The following CAST variants were observed in gnomAD, a reference collection of about 807,000 sequenced individuals.
CAST encodes MIR583 host.
In CAST, 76 loss-of-function variants were observed where a neutral mutation model predicts 119.6. That is an observed-to-expected ratio of 0.64 (90% CI 0.53 to 0.77). The LOEUF is 0.77. Among genes scored for constraint, CAST ranks in the 30% least tolerant of loss-of-function variants. The pLI is 0.00. For synonymous variants in CAST, 319 were observed against 331.6 expected, an observed-to-expected ratio of 0.96 and a Z score of 0.41; for missense variants, 953 against 946.5, an observed-to-expected ratio of 1.01 and a Z score of -0.09.
chr5:96,761,002 A>T (rs1414286068), intron 24 of CAST: 1 of 152,144 alleles, frequency 6.6e-6, no homozygotes, highest in Non-Finnish European at 1.5e-5. Context: ...TAAGTGGAAA[A>T]TACAATAATG....
chr5:96,308,313 A>G, the CAST span, among the ~76,000 whole-genome samples: 2 of 151,692 alleles, frequency 1.3e-5, no homozygotes, highest in African/African-American at 4.8e-5. Context: ...CAGGTCATTT[A>G]TGTTCTTCTC....
the CAST span, among the ~76,000 whole-genome samples, chr5:96,056,451 G>A: frequency 2.0e-5 from 3 of 152,216 alleles, no homozygotes; most frequent in South Asian, 2.1e-4. Context: ...CCAGATGCAC[G>A]AACTGGCTCC....
intron 1 of CAST, among the ~76,000 whole-genome samples, chr5:96,593,324 G>A (rs967736222): frequency 6.6e-6 from 1 of 152,138 alleles, no homozygotes; most frequent in Non-Finnish European, 1.5e-5. Context: ...ATCTTGTGAC[G>A]TGTTCTCTAA....
chr5:96,306,902 G>A, the CAST span, among the ~76,000 whole-genome samples: 1 of 152,138 alleles, frequency 6.6e-6, no homozygotes, highest in African/African-American at 2.4e-5. Context: ...AGTGCAATGT[G>A]GTGCTGAGAA....
the CAST span, among the ~76,000 whole-genome samples, chr5:96,498,177 T>A: frequency 6.6e-6 from 1 of 152,108 alleles, no homozygotes; most frequent in South Asian, 2.1e-4. Flanking sequence ...GTTGTAGATA[T>A]GCGGCATTAT....
At chr5:96,043,586 G>A in the CAST span, among the ~76,000 whole-genome samples, 2 of 152,220 alleles carry the variant, frequency 1.3e-5, no homozygotes, top group African/African-American at 4.8e-5. Context: ...CTGGTCACAA[G>A]TTGGCTGCAG....
the CAST span, among the ~76,000 whole-genome samples, chr5:96,127,673 T>A: frequency 3.5e-3 from 533 of 152,208 alleles, 2 homozygotes; most frequent in African/African-American, 4.6e-3. Context: ...CCTTTAAAAA[T>A]TTTTTTCCTA....
chr5:96,765,058 A>G (rs948809042), intron 25 of CAST, among the ~76,000 whole-genome samples, 163 bp from the exon 26 acceptor site: 4 of 151,854 alleles, frequency 2.6e-5, no homozygotes, highest in African/African-American at 7.3e-5. Flanking sequence ...TTCCATTCCT[A>G]GGCTTCTCTT....
chr5:96,769,913 T>A (rs1416403690), intron 29 of CAST: 1 of 150,864 alleles, frequency 6.6e-6, no homozygotes, highest in African/African-American at 2.4e-5. Context: ...ATATCGTTTT[T>A]TAAGGCTGAA....
intron 20 of CAST, among the ~76,000 whole-genome samples, chr5:96,752,751 T>C (rs925366313): frequency 6.6e-6 from 1 of 152,052 alleles, no homozygotes; most frequent in South Asian, 2.1e-4. Context: ...AATACAGTTT[T>C]ACTCTAAAAT....
the CAST span, among the ~76,000 whole-genome samples, chr5:96,432,593 G>C: frequency 6.6e-6 from 1 of 152,222 alleles, no homozygotes; most frequent in East Asian, 1.9e-4. Context: ...CGCGGGAACG[G>C]ATTTCAATTC....
intron 24 of CAST, chr5:96,761,958 A>G (rs1768113047): frequency 5.3e-6 from 1 of 187,932 alleles, no homozygotes; most frequent in Non-Finnish European, 1.1e-5. Flanking sequence ...AGCAATTTTA[A>G]AAGAGCTGAA....
chr5:96,247,147 C>T, the CAST span, among the ~76,000 whole-genome samples: 4 of 152,188 alleles, frequency 2.6e-5, no homozygotes, highest in Admixed American at 6.5e-5. Context: ...CCAGCTGTCC[C>T]GTAGCACTGT....
chr5:96,103,806 C>G, the CAST span, among the ~76,000 whole-genome samples: 4 of 151,592 alleles, frequency 2.6e-5, no homozygotes, highest in South Asian at 8.3e-4. Context: ...AACTAGTTTA[C>G]AGTCCCACCA....
At chr5:96,431,712 G>A in the CAST span, among the ~76,000 whole-genome samples, 1 of 152,132 alleles carries the variant, frequency 6.6e-6, no homozygotes, top group Admixed American at 6.5e-5. Flanking sequence ...AGCAAGAGCA[G>A]GCGAATTCCC....
chr5:96,135,011 A>G, the CAST span, among the ~76,000 whole-genome samples: 1 of 152,172 alleles, frequency 6.6e-6, no homozygotes, highest in Non-Finnish European at 1.5e-5. Context: ...AAATAGCGAG[A>G]ACACAAGTCC....
chr5:96,737,794 A>AAAGGTG (rs1412602026), intron 10 of CAST, 55 bp from the exon 11 acceptor site: 1 of 1,013,956 alleles, frequency 9.9e-7, no homozygotes, highest in East Asian at 2.5e-5. Flanking sequence ...TAGTTAAACT[A>AAAGGTG]AAGGTGAAAT....
Position 96,675,576 on chromosome 5 carries a change from C to T in CAST, c.113C>T (p.Pro38Leu), listed in dbSNP as rs1193724684. 1 of 1,613,340 alleles carries T rather than the reference C, an allele frequency of 6.2e-7. No homozygotes were observed. The highest frequency in any genetic ancestry group is 1.7e-5 in the Admixed American group (1 of 60,008). The change falls in exon 2 of 32, where the codon CCA becomes CTA. Residue 38 changes from proline (P) to leucine (L), a missense_variant. Coordinates refer to ENST00000675179, the MANE Select transcript of CAST (RefSeq NM_001750.7). ...SEKTSESPSK[P>L]GEKKGSDEKK... is the part of the protein sequence containing the mutation. ...AAAACCAGTGAATCGCCTTCCAAAC[C>T]AGGAGAAAAGAAAGGATCAGATGAG...
At chr5:96,434,966 T>C in the CAST span, among the ~76,000 whole-genome samples, 3 of 152,256 alleles carry the variant, frequency 2.0e-5, no homozygotes, top group Non-Finnish European at 2.9e-5. Flanking sequence ...TGGGCTCCGA[T>C]TGATAGCTTT....
Sources: gnomAD v4.1 joint callset for allele counts (sites outside exome capture counted in the v4.1 genomes callset) on GRCh38, gnomAD v4.1.1 for gene constraint, MANE v1.5 for transcripts, NCBI Gene and HGNC (gene_info 2026-07-23, HGNC 2026-07-21) for gene names.